The following GPR83 variants were observed in gnomAD, a reference collection of about 807,000 sequenced individuals.
GPR83 encodes G-protein coupled receptor 72.
GPR83 carries 23 observed loss-of-function variants against 28.0 expected under a neutral mutation model. That is an observed-to-expected ratio of 0.82 (90% CI 0.59 to 1.16). The LOEUF (loss-of-function observed/expected upper bound fraction) is 1.16, where lower values mean the gene tolerates loss of function less well. Ranked by LOEUF, GPR83 falls within the 50% of genes most tolerant of loss-of-function variation. GPR83 has a pLI of 0.00. For synonymous variants in GPR83, 234 were observed against 215.4 expected (o/e 1.09, Z -0.76); for missense variants, 610 against 536.6 (o/e 1.14, Z -1.35).
chr11:94,382,902 T>C (rs906595936), intron 3 of GPR83, among the ~76,000 whole-genome samples: 2 of 152,140 alleles, frequency 1.3e-5, no homozygotes, highest in South Asian at 2.1e-4. Context: ...CGGTGGCTCA[T>C]GCCTGTAATC....
chr11:94,380,165 A>C lies in GPR83; in HGVS notation c.1256T>G (p.Ile419Ser). The change falls in exon 4 of 4, where the codon ATT becomes AGT. Residue 419 changes from isoleucine to serine, a missense_variant. Coordinates refer to ENST00000243673, the MANE Select transcript of GPR83 (RefSeq NM_016540.4). ...CAACCTCTTCTAACTCATCGTCACA[A>C]TGGGTTCCACAGATGACAGGTCTGT... is the stretch of plus-strand genomic sequence containing the variant. ...GKTDLSSVEP[I>S]VTMS The C allele has an allele frequency of 6.6e-7, 1 of 1,512,932 alleles. No individual in the cohort carries two copies. Among genetic ancestry groups the C allele is most frequent in the Non-Finnish European group, 8.8e-7 (1 of 1,131,450 alleles). The allele number at this position is 1,512,932 out of a possible 1,614,324, so 93.7% of individuals were successfully genotyped here. A position where few individuals can be genotyped will look rare whatever the true frequency, so the allele number is the denominator to read the frequency against.
At chr11:94,398,784 G>T (rs1056018740) in intron 1 of GPR83, among the ~76,000 whole-genome samples, 2 of 152,304 alleles carry the variant, frequency 1.3e-5, no homozygotes, top group East Asian at 3.9e-4. Flanking sequence ...GGGAGCCTGT[G>T]CTGAGTAAGG....
chr11:94,393,558 C>T lies in GPR83; in HGVS notation c.574G>A (p.Val192Ile). The T allele has an allele frequency of 6.2e-7, 1 of 1,613,782 alleles. No individual in the cohort carries two copies. Among genetic ancestry groups the T allele is most frequent in the Non-Finnish European group, 8.5e-7 (1 of 1,179,640 alleles). The change falls in exon 3 of 4, where the codon GTC becomes ATC. Residue 192 changes from valine (V) to isoleucine (I), a missense_variant. By Grantham distance (29) the Val-to-Ile change is conservative (BLOSUM62 3). Transcript: ENST00000243673. ...SITKGVIYIA[V>I]IWTMATFFSL... ...AAGAACGTAGCCATGGTCCAGATGA[C>T]AGCGATGTAGATGACACCCTTTGTG...
intron 3 of GPR83, among the ~76,000 whole-genome samples, chr11:94,383,619 C>T (rs930704648): frequency 5.3e-5 from 8 of 151,950 alleles, no homozygotes; most frequent in Non-Finnish European, 1.0e-4. Context: ...AGAGAAGAAT[C>T]GAATAGATGC....
At position 94,380,555 on chromosome 11, in the gene GPR83, T is replaced by G. The variant is rs765868051; in HGVS notation, c.866A>C (p.Lys289Thr). 7 of 1,613,788 alleles carry G rather than the reference T, an allele frequency of 4.3e-6. No homozygotes were observed. The highest frequency in any genetic ancestry group is 4.0e-5 in the African/African-American group (3 of 74,904). The change falls in exon 4 of 4, where the codon AAG becomes ACG. Residue 289 changes from lysine to threonine, a missense_variant. Coordinates refer to ENST00000243673, the MANE Select transcript of GPR83 (RefSeq NM_016540.4). ...CACCAGCATCAACATCTTGATGGTC[T>G]TCTTCTTTTTGCGCCGCAGGGCAAA... ...QYFALRRKKK[K>T]TIKMLMLVVV...
intron 3 of GPR83, among the ~76,000 whole-genome samples, chr11:94,387,819 C>G (rs1265195815): frequency 6.6e-6 from 1 of 152,220 alleles, no homozygotes; most frequent in Non-Finnish European, 1.5e-5. Flanking sequence ...TCCTCCCTAA[C>G]TCATTTTATG....
At chr11:94,396,307 T>C in intron 2 of GPR83, 92 bp downstream of exon 2, 11 of 1,201,406 alleles carry the variant, frequency 9.2e-6, no homozygotes, top group Non-Finnish European at 1.3e-5. Flanking sequence ...CATTGAAAAC[T>C]GGGCTAAAAC....
Position 94,401,169 on chromosome 11 carries a change from G to A in GPR83, c.79C>T (p.Gln27Ter), listed in dbSNP as rs1305915086. 6.2e-7 allele frequency: 1 copy of A among 1,613,970 alleles called. No individual in the cohort carries two copies. The highest frequency in any genetic ancestry group is 1.1e-5 in the South Asian group (1 of 91,070). ...TEPHEGRADE[Q>*]SAEAALAVPN... is the part of the protein sequence containing the mutation. ...ACGGCCAGGGCCGCCTCCGCGCTCT[G>A]CTCGTCGGCCCGGCCCTCGTGGGGC... Residue 27 changes from glutamine (Q) to a stop codon, truncating the protein, a stop_gained, in exon 1 of 4, where the codon CAG becomes TAG. Coordinates refer to ENST00000243673, the MANE Select transcript of GPR83 (RefSeq NM_016540.4). LOFTEE classifies it high-confidence loss of function.
Position 94,386,533 on chromosome 11 carries a change from C to A in GPR83, c.648-5760G>T, listed in dbSNP as rs550483252. On this transcript the variant is annotated intron_variant, in intron 3 of 3. Coordinates refer to ENST00000243673, the MANE Select transcript of GPR83 (RefSeq NM_016540.4). ...ACCAAGCAAATGGAAAACAAAAAAA[C>A]GCAGGGGTTGCAATCCTAGTCTCTG... is the stretch of plus-strand genomic sequence containing the variant. Among the ~76,000 whole-genome samples the A allele has an allele frequency of 5.9e-5, 9 of 152,086 alleles. No individual in the cohort carries two copies. The South Asian group carries it at 1.7e-3, about 28-fold the overall frequency.
In GPR83 at chr11:94,380,221, G is replaced by A. The variant is rs141761818; in HGVS notation, c.1200C>T (p.Leu400=). ...DGQRAPLANN[L]LPTSQLQSGK... ...CAGACTGGAGTTGGGAGGTGGGCAG[G>A]AGGTTATTGGCAAGGGGAGCCCTCT... Residue 400 remains leucine, a synonymous_variant, in exon 4 of 4, where the codon CTC becomes CTT. Coordinates refer to ENST00000243673, the MANE Select transcript of GPR83 (RefSeq NM_016540.4). The A allele has an allele frequency of 6.6e-7, 1 of 1,523,706 alleles. No individual in the cohort carries two copies. Among genetic ancestry groups the A allele is most frequent in the East Asian group, 2.3e-5 (1 of 44,170 alleles). The allele number at this position is 1,523,706 out of a possible 1,614,324, so 94.4% of individuals were successfully genotyped here.
At position 94,400,960 on chromosome 11, in the gene GPR83, G is replaced by A; in HGVS notation, c.288C>T (p.Ile96=). ...LFGNVLVCHV[I]FKNQRMHSAT... The stretch of plus-strand genomic sequence containing the variant: ...CCGAGTGCATTCGCTGGTTCTTGAA[G>A]ATGACATGACAGACCAGGACGTTGC... Residue 96 remains isoleucine (I), a synonymous_variant, in exon 1 of 4, where the codon ATC becomes ATT. Transcript: ENST00000243673. The A allele has an allele frequency of 6.2e-7, 1 of 1,614,132 alleles. No homozygotes were observed. The highest frequency in any genetic ancestry group is 1.1e-5 in the South Asian group (1 of 91,070).
At chr11:94,400,245 T>A (rs564775575) in intron 1 of GPR83, among the ~76,000 whole-genome samples, 15 of 152,100 alleles carry the variant, frequency 9.9e-5, no homozygotes, top group Non-Finnish European at 1.9e-4. Flanking sequence ...TGCTCAATTA[T>A]CAAGCAAGCC....
rs575996219 is a variant in GPR83, at chr11:94,384,385, C to T, written c.648-3612G>A. Among the ~76,000 whole-genome samples, 16 of 152,246 alleles carry T rather than the reference C, an allele frequency of 1.1e-4. No individual in the cohort carries two copies. In the South Asian group the frequency reaches 3.3e-3, roughly 32 times the overall value. ...TGGTTCCAAGATGGCCGAATAGGAA[C>T]AGCTCCAGTCTACAGCTCCCAGTGT... On this transcript the variant is annotated intron_variant, in intron 3 of 3. Transcript: ENST00000243673.
rs1160617020 is a variant in GPR83 at position 94,393,600 on chromosome 11, T to A, written c.532A>T (p.Lys178Ter). 6.2e-7 allele frequency: 1 copy of A among 1,614,072 alleles called. No homozygotes were observed. Among genetic ancestry groups the A allele is most frequent in the Non-Finnish European group, 8.5e-7 (1 of 1,179,970 alleles). Residue 178 changes from lysine (K) to a stop codon, truncating the protein, a stop_gained, in exon 3 of 4, where the codon AAA (lysine) becomes TAA (stop). Coordinates refer to ENST00000243673, the MANE Select transcript of GPR83 (RefSeq NM_016540.4). LOFTEE classifies it high-confidence loss of function. ...CCCTTTGTGATTGAGATCCGGGGTT[T>A]CAAGGGGTGCATGATGACCTGGAAA... is the stretch of plus-strand genomic sequence containing the variant. ...DRHQVIMHPL[K>*]PRISITKGVI...
At chr11:94,384,281 C>T (rs1020761391) in intron 3 of GPR83, among the ~76,000 whole-genome samples, 3 of 152,298 alleles carry the variant, frequency 2.0e-5, no homozygotes, top group South Asian at 4.1e-4. Context: ...CAAAATTCAG[C>T]ACCCTTTCAT....
rs1282392282 is a variant in GPR83, at chr11:94,379,995, G to C, written c.*154C>G. 5.6e-6 allele frequency: 3 copies of C among 531,038 alleles called. No individual in the cohort carries two copies. Among genetic ancestry groups the C allele is most frequent in the Non-Finnish European group, 9.5e-6 (3 of 316,530 alleles). 32.9% of individuals were successfully genotyped at this position (531,038 alleles called of 1,614,324 possible). On this transcript the variant is annotated 3_prime_UTR_variant, in exon 4 of 4. Transcript: ENST00000243673. ...CCTTTTAGTTTTCACATCACATGGG[G>C]CTAGGAGGCTGGACAGTTTCCTAGG...
At chr11:94,391,287 C>A (rs779854818) in intron 3 of GPR83, among the ~76,000 whole-genome samples, 2 of 152,122 alleles carry the variant, frequency 1.3e-5, no homozygotes, top group African/African-American at 4.8e-5. Context: ...AAAACTGAAA[C>A]TGGACCCCCT....
chr11:94,388,729 G>C (rs576299528), intron 3 of GPR83, among the ~76,000 whole-genome samples: 3 of 152,314 alleles, frequency 2.0e-5, no homozygotes, highest in Admixed American at 2.0e-4. Context: ...AATCAGTATT[G>C]TGAAAATGGC....
At chr11:94,381,258 T>C (rs1944684434) in intron 3 of GPR83, among the ~76,000 whole-genome samples, 1 of 152,176 alleles carries the variant, frequency 6.6e-6, no homozygotes, top group Admixed American at 6.5e-5. Context: ...ATTTATTTGA[T>C]ATGGAATGCA....
Sources: gnomAD v4.1 joint callset for allele counts (sites outside exome capture counted in the v4.1 genomes callset) on GRCh38, gnomAD v4.1.1 for gene constraint, MANE v1.5 for transcripts, NCBI Gene and HGNC (gene_info 2026-07-23, HGNC 2026-07-21) for gene names.